The following CHD2 variants were observed in gnomAD, a reference collection of about 807,000 sequenced individuals.
CHD2 encodes the protein chromodomain helicase DNA binding protein 2, also known as ATP-dependent chromatin remodeler CHD2.
In CHD2, 28 loss-of-function variants were observed where a neutral mutation model predicts 243.9. The ratio of observed to expected loss-of-function variants is 0.11; its 90% CI spans 0.09 to 0.16. CHD2 has a LOEUF of 0.16. Ranked by LOEUF, CHD2 falls within the 10% of genes least tolerant of loss-of-function variation. The pLI, the probability that CHD2 is intolerant of heterozygous loss-of-function variation, is 1.00. For synonymous variants in CHD2, 775 were observed against 779.0 expected, an observed-to-expected ratio of 0.99 and a Z score of 0.09; for missense variants, 1,386 against 2,209.8, an observed-to-expected ratio of 0.63 and a Z score of 7.47.
At chr15:92,995,199 C>T (rs1372438071) in intron 28 of CHD2, among the ~76,000 whole-genome samples, 1 of 152,174 alleles carries the variant, frequency 6.6e-6, no homozygotes, top group Non-Finnish European at 1.5e-5. Context: ...CAAAGTTATT[C>T]CTTTCTCTGT....
At chr15:92,972,041 GC>G in intron 18 of CHD2, 114 bp downstream of exon 18, 1 of 1,217,220 alleles carries the variant, frequency 8.2e-7, no homozygotes, top group Non-Finnish European at 1.1e-6. Context: ...ATCAAAGGAA[GC>G]TTTAAAAATG....
chr15:92,960,047 TC>T (rs1250012226), intron 16 of CHD2, among the ~76,000 whole-genome samples: 21 of 152,230 alleles, frequency 1.4e-4, no homozygotes, highest in African/African-American at 5.1e-4. Context: ...CTATAATTTT[TC>T]TCAGTGTTTA....
chr15:92,953,761 C>A, intron 14 of CHD2, 188 bp downstream of exon 14: 2 of 595,714 alleles, frequency 3.4e-6, no homozygotes, highest in Non-Finnish European at 5.9e-6. Flanking sequence ...AATATGCTTA[C>A]TAGTTAAAAA....
chr15:92,962,327 C>A (rs1209821595), intron 16 of CHD2, among the ~76,000 whole-genome samples: 4 of 152,002 alleles, frequency 2.6e-5, no homozygotes, highest in Admixed American at 6.6e-5. Flanking sequence ...ATGTTTACTT[C>A]TATGCACTGC....
intron 7 of CHD2, among the ~76,000 whole-genome samples, chr15:92,940,563 G>A: frequency 6.6e-6 from 1 of 151,326 alleles, no homozygotes. Flanking sequence ...TCATAGAGAT[G>A]GTGAAAATGA....
intron 16 of CHD2, among the ~76,000 whole-genome samples, chr15:92,959,455 A>G (rs895236610): frequency 1.3e-5 from 2 of 151,934 alleles, no homozygotes; most frequent in African/African-American, 4.8e-5. Flanking sequence ...TGCCAATGTC[A>G]CACTGTCTTG....
At chr15:92,904,140 C>CA (rs1357051967) in intron 2 of CHD2, among the ~76,000 whole-genome samples, 1 of 152,248 alleles carries the variant, frequency 6.6e-6, no homozygotes, top group African/African-American at 2.4e-5. Context: ...TTCGATAGGG[C>CA]ACGCAGCAGC....
At chr15:92,980,966 C>T in intron 23 of CHD2, 55 bp downstream of exon 23, 1 of 1,173,852 alleles carries the variant, frequency 8.5e-7, no homozygotes. Context: ...CTGTGAGAGT[C>T]TAACTTTTCT....
At chr15:92,981,030 C>T (rs1288100270) in intron 23 of CHD2, 119 bp downstream of exon 23, 1 of 725,824 alleles carries the variant, frequency 1.4e-6, no homozygotes, top group Non-Finnish European at 2.4e-6. Context: ...ACTTGAAGGA[C>T]AGTGTGTTTT....
intron 26 of CHD2, among the ~76,000 whole-genome samples, chr15:92,990,833 G>A (rs1476106799): frequency 2.0e-5 from 3 of 152,216 alleles, no homozygotes; most frequent in Non-Finnish European, 2.9e-5. Context: ...CAGCCTGTAG[G>A]AATGGGGATG....
chr15:92,948,694 G>A (rs188680731), intron 12 of CHD2, among the ~76,000 whole-genome samples: 1 of 152,236 alleles, frequency 6.6e-6, no homozygotes, highest in South Asian at 2.1e-4. Context: ...AGCCAGGCGT[G>A]GGTGGTGGCG....
Position 93,002,162 on chromosome 15 carries a change from T to C in CHD2, c.4138-15T>C. ...AATTTGTAGCAAAAATTCATAGCCCTGTTTTGTTTCCTAGGATGATGGCTT... is the reference window on the plus strand; with the variant it reads ...AATTTGTAGCAAAAATTCATAGCCCCGTTTTGTTTCCTAGGATGATGGCTT... On this transcript the variant is annotated splice_polypyrimidine_tract_variant and intron_variant, in intron 32 of 38. Transcript: ENST00000394196. 1.9e-6 allele frequency: 3 copies of C among 1,577,546 alleles called. No homozygotes were observed. The highest frequency in any genetic ancestry group is 1.4e-5 in the African/African-American group (1 of 72,096).
intron 2 of CHD2, among the ~76,000 whole-genome samples, chr15:92,908,003 A>ATTTT (rs71877681): frequency 2.4e-4 from 26 of 107,606 alleles, no homozygotes; most frequent in South Asian, 9.6e-4. Flanking sequence ...CTCTCTTAGA[A>ATTTT]TTTTTTTTTT....
chr15:92,953,923 A>G (rs2053584967), intron 14 of CHD2: 1 of 181,522 alleles, frequency 5.5e-6, no homozygotes, highest in Non-Finnish European at 1.2e-5. Context: ...TGCTTTCTCA[A>G]TAGACATATT....
intron 2 of CHD2, among the ~76,000 whole-genome samples, chr15:92,922,245 G>A (rs923330121): frequency 6.6e-6 from 1 of 151,756 alleles, no homozygotes; most frequent in African/African-American, 2.4e-5. Flanking sequence ...CATTGGCCAA[G>A]TTACATAAAA....
rs148737607 is a variant in CHD2 at position 93,009,894 on chromosome 15, T to G, written c.4592+571T>G. ...AGCCACTGAAACTTTTTTAAAAGAT[T>G]TCAATAGTTTTAGGGAAACAGGTGG... On this transcript the variant is annotated intron_variant, in intron 35 of 38. Coordinates refer to ENST00000394196, the MANE Select transcript of CHD2 (RefSeq NM_001271.4). 2.6e-5 allele frequency among the ~76,000 whole-genome samples: 4 copies of G among 152,340 alleles called. No homozygotes were observed. In the East Asian group the frequency reaches 7.7e-4, roughly 29 times the overall value.
intron 16 of CHD2, among the ~76,000 whole-genome samples, chr15:92,961,876 CTTTTTTT>C (rs3064790): frequency 3.4e-4 from 27 of 78,626 alleles, no homozygotes; most frequent in Admixed American, 1.9e-3. Flanking sequence ...TTTTTCTTCT[CTTTTTTT>C]TTTTTTTTTT....
chr15:93,016,438 A>G (rs2054461159), intron 37 of CHD2, among the ~76,000 whole-genome samples: 1 of 152,244 alleles, frequency 6.6e-6, no homozygotes, highest in Non-Finnish European at 1.5e-5. Context: ...GTTGTACAGC[A>G]TGGTGACTGT....
At chr15:92,991,303 G>C (rs1304706809) in intron 26 of CHD2, 173 bp from the exon 27 acceptor site, 6 of 488,210 alleles carry the variant, frequency 1.2e-5, no homozygotes, top group African/African-American at 2.0e-5. Flanking sequence ...ATTTTAAGTT[G>C]ACTAGTTTCA....
Sources: allele counts gnomAD v4.1 joint callset (sites outside exome capture counted in the v4.1 genomes callset), GRCh38; gene constraint gnomAD v4.1.1; transcripts MANE v1.5; gene names NCBI Gene and HGNC (gene_info 2026-07-23, HGNC 2026-07-21).